FBXL13: variants seen among roughly 807,000 people sequenced by gnomAD.
FBXL13 encodes F-box and leucine rich repeat protein 13, also known as F-box and leucine-rich repeat protein 13.
Under a neutral mutation model 83.6 loss-of-function variants are expected in FBXL13, and 67 were observed. The ratio of observed to expected loss-of-function variants is 0.80; its 90% CI spans 0.66 to 0.98. The LOEUF (loss-of-function observed/expected upper bound fraction) is 0.98, where lower values mean the gene tolerates loss of function less well. Ranked by LOEUF, FBXL13 falls within the 50% of genes least tolerant of loss-of-function variation. FBXL13 has a pLI of 0.00. For missense variants in FBXL13, 822 were observed against 866.5 expected (o/e 0.95, Z 0.64); for synonymous variants, 272 against 299.5 (o/e 0.91, Z 0.95).
chr7:102,883,780 A>T (rs1353806219), intron 12 of FBXL13, 95 bp from the exon 14 acceptor site: 3 of 702,946 alleles, frequency 4.3e-6, no homozygotes, highest in Non-Finnish European at 7.2e-6. Context: ...TTAGAGACAG[A>T]CATGTTAACT....
intron 2 of FBXL13, among the ~76,000 whole-genome samples, chr7:103,041,629 C>A (rs1310200074): frequency 6.6e-6 from 1 of 151,660 alleles, no homozygotes; most frequent in Admixed American, 6.6e-5. Context: ...CCACCACAAT[C>A]AAGTTGGCTT....
At chr7:103,020,606 CCTT>C (rs1793039530) in intron 6 of FBXL13, among the ~76,000 whole-genome samples, 1 of 152,220 alleles carries the variant, frequency 6.6e-6, no homozygotes, top group Non-Finnish European at 1.5e-5. Flanking sequence ...CCCAAAATCT[CCTT>C]AAGCTGATAA....
intron 16 of FBXL13, among the ~76,000 whole-genome samples, chr7:102,869,805 C>T (rs1808288990): frequency 6.6e-6 from 1 of 152,236 alleles, no homozygotes; most frequent in South Asian, 2.1e-4. Flanking sequence ...GGGCTTATTT[C>T]TGGTTTCTCT....
intron 6 of FBXL13, among the ~76,000 whole-genome samples, chr7:103,009,604 T>G (rs1417785184): frequency 6.6e-6 from 1 of 152,154 alleles, no homozygotes; most frequent in Non-Finnish European, 1.5e-5. Context: ...CAAGGGGACC[T>G]CTACAAGGCT....
intron 11 of FBXL13, among the ~76,000 whole-genome samples, chr7:102,903,633 GAATTTTTTTT>G (rs1390839491): frequency 1.3e-5 from 2 of 151,840 alleles, no homozygotes; most frequent in African/African-American, 4.8e-5. Flanking sequence ...AAGGGATATT[GAATTTTTTTT>G]AATTTTTTTT....
chr7:102,974,534 A>G (rs546672778), intron 6 of FBXL13, among the ~76,000 whole-genome samples: 4 of 152,266 alleles, frequency 2.6e-5, no homozygotes, highest in African/African-American at 7.2e-5. Flanking sequence ...CGACTTTACA[A>G]TTTTAACTGA....
chr7:102,896,001 A>G (rs749770399), intron 11 of FBXL13, among the ~76,000 whole-genome samples: 52 of 152,240 alleles, frequency 3.4e-4, no homozygotes, highest in Admixed American at 5.9e-4. Context: ...ATATCTGTAG[A>G]AAGATTCCAG....
In FBXL13 at chr7:102,848,424, C is replaced by G. The variant is rs571539834; in HGVS notation, c.1719+6353G>C. Among the ~76,000 whole-genome samples the G allele has an allele frequency of 2.0e-5, 2 of 97,848 alleles. 1 individual carries two copies. Among genetic ancestry groups the G allele is most frequent in the Non-Finnish European group, 3.8e-5 (2 of 53,032 alleles). 64.2% of individuals were successfully genotyped at this position (97,848 alleles called of 152,430 possible). On this transcript the variant is annotated intron_variant, in intron 17 of 19. Coordinates refer to ENST00000313221, the Ensembl canonical transcript of FBXL13. ...ACAAAAAATTAGCCGGGCGTAGTGG[C>G]GGGCGCCTGTAGTCCCAGCTACTCG... is the stretch of plus-strand genomic sequence containing the variant.
At chr7:102,841,341 G>A (rs1275983085) in intron 17 of FBXL13, among the ~76,000 whole-genome samples, 2 of 151,850 alleles carry the variant, frequency 1.3e-5, no homozygotes, top group East Asian at 3.8e-4. Flanking sequence ...GGGCTCCTAC[G>A]GATTATCTTC....
chr7:103,016,733 A>C (rs142577645), intron 6 of FBXL13, among the ~76,000 whole-genome samples: 1,672 of 152,248 alleles, frequency 0.011, 35 homozygotes, highest in African/African-American at 0.039. Context: ...CATTGCTCGC[A>C]CAGCAGTCTG....
intron 19 of FBXL13, among the ~76,000 whole-genome samples, chr7:102,818,969 C>T (rs1275009293): frequency 6.6e-6 from 1 of 152,110 alleles, no homozygotes; most frequent in Non-Finnish European, 1.5e-5. Context: ...CACCCTCTGA[C>T]AGGCCCCAGT....
At chr7:102,944,434 A>G in intron 8 of FBXL13, 2 of 1,614,104 alleles carry the variant, frequency 1.2e-6, no homozygotes, top group South Asian at 1.1e-5. Context: ...TGAAGAATAC[A>G]AAGGATGGTC....
At chr7:103,056,515 A>G (rs1412366523) in intron 1 of FBXL13, among the ~76,000 whole-genome samples, 2 of 151,852 alleles carry the variant, frequency 1.3e-5, no homozygotes, top group Non-Finnish European at 2.9e-5. Flanking sequence ...TTGGAGTGCA[A>G]TGGTGCTATC....
intron 6 of FBXL13, among the ~76,000 whole-genome samples, chr7:103,013,964 AC>A (rs892086447): frequency 6.6e-6 from 1 of 151,992 alleles, no homozygotes; most frequent in Non-Finnish European, 1.5e-5. Flanking sequence ...ATTACCACTG[AC>A]CCCCCAGAAA....
chr7:103,000,020 C>A (rs1212675160), intron 6 of FBXL13, among the ~76,000 whole-genome samples: 1 of 151,950 alleles, frequency 6.6e-6, no homozygotes, highest in Non-Finnish European at 1.5e-5. Flanking sequence ...TTGATATAGG[C>A]ATTTATTGCT....
intron 8 of FBXL13, among the ~76,000 whole-genome samples, chr7:102,946,650 TTTTATTTATTTATTTATTTA>T (rs10570570): frequency 2.1e-5 from 3 of 140,984 alleles, no homozygotes; most frequent in South Asian, 2.3e-4. Flanking sequence ...TCTATTTTTA[TTTTATTTATTTATTTATTTA>T]TTTATTTATT....
intron 2 of FBXL13, among the ~76,000 whole-genome samples, chr7:103,032,169 C>A (rs181136941): frequency 2.6e-5 from 4 of 152,098 alleles, no homozygotes; most frequent in Non-Finnish European, 5.9e-5. Context: ...TGATTACAAC[C>A]CAGTCCTAAA....
intron 18 of FBXL13, among the ~76,000 whole-genome samples, chr7:102,831,717 G>T (rs912970128): frequency 3.3e-5 from 5 of 151,980 alleles, no homozygotes; most frequent in African/African-American, 1.2e-4. Flanking sequence ...TTTCTCTACT[G>T]TTGGCTTAGG....
chr7:102,828,705 A>G (rs894820795), intron 18 of FBXL13, among the ~76,000 whole-genome samples: 1 of 152,238 alleles, frequency 6.6e-6, no homozygotes, highest in African/African-American at 2.4e-5. Context: ...GTCTAGAGAC[A>G]TTTCTCCAAA....
Sources: gnomAD v4.1 joint callset for allele counts (sites outside exome capture counted in the v4.1 genomes callset) on GRCh38, gnomAD v4.1.1 for gene constraint, MANE v1.5 for transcripts, NCBI Gene and HGNC (gene_info 2026-07-23, HGNC 2026-07-21) for gene names.